The following FREM2 variants were observed in gnomAD, a reference collection of about 807,000 sequenced individuals.
The protein encoded by FREM2 is FRAS1-related extracellular matrix protein 2.
A neutral mutation model predicts 219.9 loss-of-function variants in FREM2; 119 were observed. The observed-to-expected ratio is 0.54, with a 90% CI of 0.47 to 0.63. The LOEUF (loss-of-function observed/expected upper bound fraction) is 0.63, where lower values mean the gene tolerates loss of function less well. FREM2 is among the 30% of genes least tolerant of loss of function. The pLI, the probability that FREM2 is intolerant of heterozygous loss-of-function variation, is 0.00. For missense variants in FREM2, 4,030 were observed against 3,993.6 expected (o/e 1.01, Z -0.25); for synonymous variants, 1,562 against 1,522.8 (o/e 1.03, Z -0.60).
At chr13:38,778,793 A>G (rs1284327938) in intron 4 of FREM2, among the ~76,000 whole-genome samples, 1 of 152,156 alleles carries the variant, frequency 6.6e-6, no homozygotes, top group Non-Finnish European at 1.5e-5. Flanking sequence ...CTGAACTTAA[A>G]AAAAAAGTTA....
intron 16 of FREM2, among the ~76,000 whole-genome samples, chr13:38,872,452 A>G (rs1878190905): frequency 6.9e-6 from 1 of 145,936 alleles, no homozygotes; most frequent in Admixed American, 7.1e-5. Flanking sequence ...AACTATCTTC[A>G]TAAAACTGCT....
At chr13:38,834,719 A>G (rs1271174148) in intron 6 of FREM2, among the ~76,000 whole-genome samples, 1 of 152,050 alleles carries the variant, frequency 6.6e-6, no homozygotes, top group Non-Finnish European at 1.5e-5. Flanking sequence ...AGCTTTTTTC[A>G]TATGTTTGTT....
chr13:38,758,309 A>G (rs967428414), intron 2 of FREM2, among the ~76,000 whole-genome samples: 17 of 152,260 alleles, frequency 1.1e-4, no homozygotes, highest in Admixed American at 2.6e-4. Flanking sequence ...CTTATACCTA[A>G]TCTTCCAGGA....
chr13:38,858,171 A>G (rs567194680), intron 13 of FREM2, 138 bp downstream of exon 13: 117 of 751,968 alleles, frequency 1.6e-4, no homozygotes, highest in South Asian at 1.4e-3. Context: ...AGCTTTGCAT[A>G]TATAACACTA....
chr13:38,781,573 C>A (rs145249520), intron 4 of FREM2, among the ~76,000 whole-genome samples: 1 of 152,030 alleles, frequency 6.6e-6, no homozygotes, highest in Non-Finnish European at 1.5e-5. Flanking sequence ...TCTGGCAAGT[C>A]GATGTCACCC....
chr13:38,705,020 G>A (rs1021146916), intron 2 of FREM2, among the ~76,000 whole-genome samples: 3 of 152,120 alleles, frequency 2.0e-5, no homozygotes, highest in African/African-American at 7.2e-5. Context: ...AATGAGATTT[G>A]GGTGGGGACA....
At chr13:38,724,899 C>T (rs965343839) in intron 2 of FREM2, among the ~76,000 whole-genome samples, 2 of 152,124 alleles carry the variant, frequency 1.3e-5, no homozygotes, top group African/African-American at 4.8e-5. Flanking sequence ...ATACGTCCAT[C>T]CAGGAACCAG....
intron 4 of FREM2, among the ~76,000 whole-genome samples, chr13:38,773,745 G>A (rs866658926): frequency 3.5e-4 from 53 of 152,086 alleles, no homozygotes; most frequent in African/African-American, 1.3e-3. Context: ...CTTTTAACAT[G>A]CGCATAGAAA....
Position 38,851,701 on chromosome 13 carries a change from T to A in FREM2, c.6758T>A (p.Phe2253Tyr), listed in dbSNP as rs1192973394. 6.2e-7 allele frequency: 1 copy of A among 1,611,232 alleles called. No homozygotes were observed. Among genetic ancestry groups the A allele is most frequent in the Non-Finnish European group, 8.5e-7 (1 of 1,177,640 alleles). Residue 2253 changes from phenylalanine (F) to tyrosine (Y), a missense_variant, in exon 11 of 24, where the codon TTT becomes TAT. Physicochemically the swap from Phe to Tyr is conservative, Grantham distance 22. This residue lies in a region of FREM2 where 3,102 missense variants were observed against 2,950.7 expected (regional missense o/e 1.05). Transcript: ENST00000280481. ...RDDADKTVIK[F>Y]GETKFSVTEP... Reference sequence around the variant, plus strand: ...ACAATTTTAGAGACTGTTATTAAATTTGGAGAAACCAAATTTAGTGTCACT... The same window carrying A: ...ACAATTTTAGAGACTGTTATTAAATATGGAGAAACCAAATTTAGTGTCACT...
At chr13:38,850,338 A>G in intron 9 of FREM2, 103 bp downstream of exon 9, 2 of 923,598 alleles carry the variant, frequency 2.2e-6, no homozygotes, top group South Asian at 2.8e-5. Flanking sequence ...CAACAAGCAT[A>G]TGGCATGGTT....
intron 1 of FREM2, among the ~76,000 whole-genome samples, chr13:38,697,485 A>G (rs1870159509): frequency 6.6e-6 from 1 of 152,174 alleles, no homozygotes; most frequent in Admixed American, 6.5e-5. Context: ...TAACTCTTGC[A>G]CTGTATTTAT....
chr13:38,881,142 T>G lies in FREM2; in HGVS notation c.*355T>G. On this transcript the variant is annotated 3_prime_UTR_variant, in exon 24 of 24. Transcript: ENST00000280481. ...TTACAAGTGTAAGAGGAATCTACTG[T>G]TGCTATGTTAGTGTGAATGTTGAAG... 1 of 335,664 alleles carries G rather than the reference T, an allele frequency of 3.0e-6. No homozygotes were observed. The highest frequency in any genetic ancestry group is 5.7e-6 in the Non-Finnish European group (1 of 176,696). The allele number at this position is 335,664 out of a possible 1,614,324, so 20.8% of individuals were successfully genotyped here.
Position 38,689,303 on chromosome 13 carries a change from G to A in FREM2, c.1959G>A (p.Leu653=). 1.9e-6 allele frequency: 3 copies of A among 1,614,146 alleles called. No homozygotes were observed. Among genetic ancestry groups the A allele is most frequent in the Non-Finnish European group, 2.5e-6 (3 of 1,180,024 alleles). Residue 653 remains leucine, a synonymous_variant, in exon 1 of 24, where the codon CTG becomes CTA. Transcript: ENST00000280481. ...WQQQDITEGR[L]FYRHSGPHSP... is the part of the protein sequence containing the mutation. ...AGCAGGACATAACAGAGGGCAGGCT[G>A]TTCTATAGACACTCTGGGCCCCATA...
intron 4 of FREM2, among the ~76,000 whole-genome samples, 159 bp from the exon 5 acceptor site, chr13:38,782,910 TC>T (rs1196691117): frequency 6.6e-6 from 1 of 152,254 alleles, no homozygotes; most frequent in Non-Finnish European, 1.5e-5. Flanking sequence ...TATACCCACT[TC>T]TTTTCCCCTC....
In FREM2 at chr13:38,886,381, T is replaced by TAG. The variant is rs1481103719; in HGVS notation, c.*5595_*5596insGA. 3 of 134,136 alleles carry TAG rather than the reference T, an allele frequency of 2.2e-5. No homozygotes were observed. Among genetic ancestry groups the TAG allele is most frequent in the East Asian group, 5.1e-4 (2 of 3,910 alleles). The allele number at this position is 134,136 out of a possible 1,614,324, so 8.3% of individuals were successfully genotyped here. On this transcript the variant is annotated 3_prime_UTR_variant, in exon 24 of 24. Coordinates refer to ENST00000280481, the MANE Select transcript of FREM2 (RefSeq NM_207361.6). ...ACACACATATATGTACATACATATATATATAGAGAGAGAGAGATAGATTTT... is the reference window on the plus strand; with the variant it reads ...ACACACATATATGTACATACATATATAGATATAGAGAGAGAGAGATAGATTTT...
intron 2 of FREM2, among the ~76,000 whole-genome samples, chr13:38,738,912 A>T (rs1872117487): frequency 6.6e-6 from 1 of 152,172 alleles, no homozygotes; most frequent in Non-Finnish European, 1.5e-5. Context: ...AACAGATGAG[A>T]TTTTTAACTT....
At chr13:38,747,502 A>G (rs1004119846) in intron 2 of FREM2, among the ~76,000 whole-genome samples, 3 of 92,794 alleles carry the variant, frequency 3.2e-5, no homozygotes, top group African/African-American at 1.1e-4. Flanking sequence ...ACAAATACAC[A>G]CACACACACA....
Position 38,880,378 on chromosome 13 carries a change from A to G in FREM2, c.9101A>G (p.Tyr3034Cys), listed in dbSNP as rs747997851. 2.5e-6 allele frequency: 4 copies of G among 1,614,026 alleles called. No homozygotes were observed. Among genetic ancestry groups the G allele is most frequent in the Non-Finnish European group, 3.4e-6 (4 of 1,180,034 alleles). The change falls in exon 24 of 24, where the codon TAC (tyrosine) becomes TGC (cysteine). Residue 3034 changes from tyrosine to cysteine, a missense_variant. Physicochemically the swap from Tyr to Cys is radical, Grantham distance 194 (BLOSUM62 -2). Transcript: ENST00000280481. The part of the protein sequence containing the change: ...NRGIGKRSVE[Y>C]HSLVSQGKPQ... ...GGTATTGGCAAAAGAAGTGTGGAGT[A>G]CCATTCTCTGGTGAGTCAAGGAAAG...
chr13:38,811,571 G>T (rs115769269), intron 6 of FREM2, among the ~76,000 whole-genome samples: 2 of 151,880 alleles, frequency 1.3e-5, no homozygotes, highest in African/African-American at 2.4e-5. Context: ...TGGTCATTCC[G>T]GAGCATATTG....
Sources: allele counts gnomAD v4.1 joint callset (sites outside exome capture counted in the v4.1 genomes callset), GRCh38; gene constraint gnomAD v4.1.1; regional missense constraint gnomAD v4.1.1; transcripts MANE v1.5; gene names NCBI Gene and HGNC (gene_info 2026-07-23, HGNC 2026-07-21).